Variants in NFYC observed in about 807,000 individuals in gnomAD.
NFYC encodes CAAT box DNA-binding protein subunit C.
Under a neutral mutation model 53.1 loss-of-function variants are expected in NFYC, and 25 were observed. The observed-to-expected ratio is 0.47, with a 90% CI of 0.34 to 0.66. NFYC has a LOEUF of 0.66. Ranked by LOEUF, NFYC falls within the 30% of genes least tolerant of loss-of-function variation. The pLI is 0.01. For missense variants in NFYC, 260 were observed against 422.7 expected (o/e 0.62, Z 3.38); for synonymous variants, 145 against 152.6 (o/e 0.95, Z 0.37).
At chr1:40,715,105 T>G (rs1400948472) in intron 1 of NFYC, among the ~76,000 whole-genome samples, 2 of 149,224 alleles carry the variant, frequency 1.3e-5, no homozygotes, top group Non-Finnish European at 3.0e-5. Flanking sequence ...AATAAATAAA[T>G]AAATAAATAA....
intron 1 of NFYC, among the ~76,000 whole-genome samples, chr1:40,709,812 A>G (rs1643877208): frequency 1.3e-5 from 2 of 152,324 alleles, no homozygotes; most frequent in Admixed American, 1.3e-4. Context: ...TATCGACAAG[A>G]TCAGGTACAT....
intron 1 of NFYC, among the ~76,000 whole-genome samples, chr1:40,693,937 G>A (rs545353122): frequency 6.6e-6 from 1 of 152,312 alleles, no homozygotes; most frequent in East Asian, 1.9e-4. Flanking sequence ...CTTCAGCTAG[G>A]TATTCAAATC....
chr1:40,770,408 G>A lies in NFYC; in HGVS notation c.889-301G>A. The A allele has an allele frequency of 6.5e-7, 1 of 1,547,290 alleles. No individual in the cohort carries two copies. The highest frequency in any genetic ancestry group is 8.7e-7 in the Non-Finnish European group (1 of 1,144,366). On this transcript the variant is annotated intron_variant, in intron 9 of 9. Transcript: ENST00000447388. The surrounding 1 kb of genome is among the most constrained non-coding windows in gnomAD (Gnocchi z 5.3). The stretch of plus-strand genomic sequence containing the variant: ...TGTGTTTGCCACAGAGGAACAGCGT[G>A]CAGCAAGCTCGAGTCTCTGAGCTAA...
At chr1:40,728,575 G>A (rs1347996784) in intron 1 of NFYC, among the ~76,000 whole-genome samples, 3 of 152,022 alleles carry the variant, frequency 2.0e-5, no homozygotes, top group Non-Finnish European at 2.9e-5. Context: ...CAGCCTGGGC[G>A]ACAGAGTGAG....
intron 1 of NFYC, among the ~76,000 whole-genome samples, chr1:40,731,098 G>A (rs893118747): frequency 2.0e-5 from 3 of 152,096 alleles, no homozygotes; most frequent in African/African-American, 7.2e-5. Flanking sequence ...TCCAGGCTTG[G>A]TTCCCACCTT....
At chr1:40,707,961 A>G (rs567964866) in intron 1 of NFYC, among the ~76,000 whole-genome samples, 1 of 152,284 alleles carries the variant, frequency 6.6e-6, no homozygotes, top group South Asian at 2.1e-4. Flanking sequence ...ATGTGCTTTT[A>G]GTAATACATC....
At chr1:40,763,073 T>C in intron 7 of NFYC, 27 bp downstream of exon 7, 6 of 1,538,380 alleles carry the variant, frequency 3.9e-6, no homozygotes, top group Non-Finnish European at 5.3e-6. Flanking sequence ...GGTCTGTCTT[T>C]ACAACTTTAT....
chr1:40,750,345 A>G (rs1645845000), intron 4 of NFYC, among the ~76,000 whole-genome samples: 1 of 152,216 alleles, frequency 6.6e-6, no homozygotes, highest in African/African-American at 2.4e-5. Context: ...TGAAGCCAAG[A>G]AAGTAAATTA....
chr1:40,707,499 G>A (rs1035021628), intron 1 of NFYC, among the ~76,000 whole-genome samples: 2 of 146,916 alleles, frequency 1.4e-5, no homozygotes, highest in Admixed American at 1.4e-4. Context: ...AAAAAAGAGA[G>A]AGAGAGAGAA....
intron 1 of NFYC, among the ~76,000 whole-genome samples, chr1:40,699,948 A>G (rs74068562): frequency 1.2e-3 from 186 of 152,290 alleles, no homozygotes; most frequent in African/African-American, 4.3e-3. Flanking sequence ...GGGAAGATAC[A>G]TTACGCGGTG....
At chr1:40,740,560 G>C (rs1645284534) in intron 2 of NFYC, among the ~76,000 whole-genome samples, 1 of 152,200 alleles carries the variant, frequency 6.6e-6, no homozygotes, top group African/African-American at 2.4e-5. Context: ...ACTGGCCTGG[G>C]TTCAGAGTGG....
rs182486612 is a variant in NFYC, at chr1:40,726,153, T to G, written c.-8-12683T>G. Among the ~76,000 whole-genome samples, 86 of 151,986 alleles carry G rather than the reference T, an allele frequency of 5.7e-4. 2 individuals are homozygous for G. In the East Asian group the frequency reaches 0.01, roughly 18 times the overall value. ...TTTTTTTGAGATGGAGTTTCGCTCC[T>G]GTTGCTCAGGCTGGAGTGCAGTGGC... On this transcript the variant is annotated intron_variant, in intron 1 of 9. Transcript: ENST00000447388.
chr1:40,720,099 G>A (rs1644275940), intron 1 of NFYC, among the ~76,000 whole-genome samples: 1 of 152,130 alleles, frequency 6.6e-6, no homozygotes, highest in South Asian at 2.1e-4. Flanking sequence ...GAGATTTATG[G>A]TTTGGTTGGC....
rs116275792 is a variant in NFYC, at chr1:40,752,390, C to T, written c.292-761C>T. On this transcript the variant is annotated intron_variant, in intron 4 of 9. Coordinates refer to ENST00000447388, the MANE Select transcript of NFYC (RefSeq NM_014223.5). ...GTAAAGTACACAAATCTTAACTATA[C>T]ATAATATGTTGGGTTTTAGTAAAAA... is the stretch of plus-strand genomic sequence containing the variant. Among the ~76,000 whole-genome samples, 484 of 152,198 alleles carry T rather than the reference C, an allele frequency of 3.2e-3. 3 individuals carry two copies. The highest frequency in any genetic ancestry group is 4.9e-3 in the Non-Finnish European group (330 of 68,004).
chr1:40,697,494 CTT>C (rs538529560), intron 1 of NFYC, among the ~76,000 whole-genome samples: 161 of 152,282 alleles, frequency 1.1e-3, no homozygotes, highest in African/African-American at 3.7e-3. Context: ...TTCCTGATCT[CTT>C]TTGTTCATCC....
chr1:40,754,693 T>G (rs543526568), intron 5 of NFYC, among the ~76,000 whole-genome samples: 2 of 152,372 alleles, frequency 1.3e-5, no homozygotes, highest in Admixed American at 6.5e-5. Context: ...CAGGCCTTGC[T>G]CACTCTCATT....
chr1:40,758,858 G>T (rs1396924449), intron 6 of NFYC, among the ~76,000 whole-genome samples: 1 of 152,150 alleles, frequency 6.6e-6, no homozygotes, highest in Admixed American at 6.6e-5. Flanking sequence ...AGAGAACTCT[G>T]TACTATGAGC....
intron 1 of NFYC, among the ~76,000 whole-genome samples, chr1:40,710,441 A>C (rs1411635771): frequency 1.3e-5 from 2 of 152,170 alleles, no homozygotes; most frequent in Non-Finnish European, 2.9e-5. Context: ...CTCTTTATGG[A>C]TATAAAGCTA....
intron 1 of NFYC, among the ~76,000 whole-genome samples, chr1:40,699,483 G>C (rs949655493): frequency 1.3e-5 from 2 of 152,168 alleles, no homozygotes; most frequent in African/African-American, 4.8e-5. Flanking sequence ...ATTTTAAACT[G>C]TTTTAAAAAT....
Sources: gnomAD v4.1 joint callset for allele counts (sites outside exome capture counted in the v4.1 genomes callset) on GRCh38, gnomAD v4.1.1 for gene constraint, Gnocchi (gnomAD v3.1) non-coding constraint, MANE v1.5 for transcripts, NCBI Gene and HGNC (gene_info 2026-07-23, HGNC 2026-07-21) for gene names.